ZNF423: variants seen among roughly 807,000 people sequenced by gnomAD.
ZNF423 encodes zinc finger protein 423.
A neutral mutation model predicts 95.8 loss-of-function variants in ZNF423; 12 were observed. The ratio of observed to expected loss-of-function variants is 0.13; its 90% CI spans 0.08 to 0.20. The LOEUF (loss-of-function observed/expected upper bound fraction) is 0.20, where lower values mean the gene tolerates loss of function less well. ZNF423 is among the 10% of genes least tolerant of loss of function. The probability of loss-of-function intolerance (pLI) is 1.00; values close to 1 mark genes in which losing one functional copy is unlikely to be tolerated. For missense variants in ZNF423, 1,316 were observed against 1,737.1 expected (o/e 0.76, Z 4.31); for synonymous variants, 749 against 711.9 (o/e 1.05, Z -0.83).
At chr16:49,581,761 A>C (rs1970682406) in intron 5 of ZNF423, among the ~76,000 whole-genome samples, 1 of 152,132 alleles carries the variant, frequency 6.6e-6, no homozygotes, top group Admixed American at 6.6e-5. Context: ...GGTGATGAAA[A>C]GTAACATTTC....
chr16:49,699,188 C>G (rs562356944), intron 3 of ZNF423, among the ~76,000 whole-genome samples: 1 of 152,176 alleles, frequency 6.6e-6, no homozygotes, highest in Non-Finnish European at 1.5e-5. Flanking sequence ...CTGGGCGAGG[C>G]GGCACTGACG....
In ZNF423 at chr16:49,793,314, C is replaced by T. The variant is rs573317726; in HGVS notation, c.41-3768G>A. On this transcript the variant is annotated intron_variant, in intron 1 of 7. Transcript: ENST00000563137. ...ACTGGCAGCAGGCACTCTCTGGGGG[C>T]CCAAGCAGCGAGCCCCCAACATCCC... Among the ~76,000 whole-genome samples the T allele has an allele frequency of 3.9e-5, 6 of 152,284 alleles. No homozygotes were observed. The South Asian group carries it at 1.2e-3, about 32-fold the overall frequency.
intron 1 of ZNF423, among the ~76,000 whole-genome samples, chr16:49,819,864 AT>A (rs1265558734): frequency 3.9e-5 from 6 of 152,228 alleles, no homozygotes; most frequent in African/African-American, 1.4e-4. Context: ...TACTCAATAA[AT>A]TACATGAGAT....
intron 5 of ZNF423, among the ~76,000 whole-genome samples, chr16:49,609,790 A>G (rs536931359): frequency 6.6e-6 from 1 of 152,336 alleles, no homozygotes; most frequent in Non-Finnish European, 1.5e-5. Flanking sequence ...GATGGCTGAA[A>G]AATTCCCAAA....
intron 3 of ZNF423, among the ~76,000 whole-genome samples, chr16:49,655,823 C>T (rs1360814207): frequency 2.6e-5 from 4 of 152,300 alleles, no homozygotes; most frequent in South Asian, 4.1e-4. Context: ...ACGGTCACTT[C>T]GCCCCTGAAC....
chr16:49,570,554 G>GA (rs1292796276), intron 5 of ZNF423, among the ~76,000 whole-genome samples: 2 of 152,150 alleles, frequency 1.3e-5, no homozygotes, highest in Admixed American at 1.3e-4. Flanking sequence ...AATGAAGAAT[G>GA]AAACAGTTTG....
intron 2 of ZNF423, among the ~76,000 whole-genome samples, chr16:49,762,733 C>T (rs2033855219): frequency 6.6e-6 from 1 of 152,170 alleles, no homozygotes; most frequent in African/African-American, 2.4e-5. Flanking sequence ...CGGGAACGGC[C>T]TAGGTGGGCC....
intron 3 of ZNF423, among the ~76,000 whole-genome samples, chr16:49,700,719 T>C (rs2151954690): frequency 6.6e-6 from 1 of 152,332 alleles, no homozygotes; most frequent in East Asian, 1.9e-4. Flanking sequence ...AGAGGATCTC[T>C]GTGAGCATCT....
chr16:49,736,876 G>A (rs118129175), intron 2 of ZNF423, among the ~76,000 whole-genome samples: 56 of 152,318 alleles, frequency 3.7e-4, no homozygotes, highest in Non-Finnish European at 6.9e-4. Flanking sequence ...TGATGACGTT[G>A]AGAGCAGACA....
rs71380366 is a variant in ZNF423 at position 49,646,574 on chromosome 16, C to CTTTTTTTTTTTTTTTTT, written c.302-7701_302-7700insAAAAAAAAAAAAAAAAA. ...TTATGGCACATTTTCTTTTCTTTTT[C>CTTTTTTTTTTTTTTTTT]TTTTTTTTTTTTTTGAGAAGGAGTC... On this transcript the variant is annotated intron_variant, in intron 3 of 7. Transcript: ENST00000563137. Among the ~76,000 whole-genome samples the CTTTTTTTTTTTTTTTTT allele has an allele frequency of 3.7e-4, 44 of 117,966 alleles. 2 individuals are homozygous for CTTTTTTTTTTTTTTTTT. The highest frequency in any genetic ancestry group is 8.3e-4 in the South Asian group (3 of 3,608). 77.4% of individuals were successfully genotyped at this position (117,966 alleles called of 152,430 possible).
At chr16:49,517,480 C>T (rs185001499) in intron 7 of ZNF423, among the ~76,000 whole-genome samples, 79 of 152,276 alleles carry the variant, frequency 5.2e-4, no homozygotes, top group Admixed American at 3.9e-3. Flanking sequence ...GGAAGCACCT[C>T]GAGGTCAGAC....
intron 3 of ZNF423, among the ~76,000 whole-genome samples, chr16:49,667,237 G>C (rs2030589415): frequency 6.6e-6 from 1 of 152,228 alleles, no homozygotes; most frequent in Non-Finnish European, 1.5e-5. Context: ...AAAATGCCTA[G>C]TCCAGAACAA....
At chr16:49,792,314 T>C (rs1447234329) in intron 1 of ZNF423, among the ~76,000 whole-genome samples, 3 of 152,140 alleles carry the variant, frequency 2.0e-5, no homozygotes, top group African/African-American at 7.2e-5. Context: ...AGTCATCCTC[T>C]TAGGAAGATC....
chr16:49,526,668 AT>A (rs1224007705), intron 5 of ZNF423, among the ~76,000 whole-genome samples: 1 of 152,140 alleles, frequency 6.6e-6, no homozygotes, highest in Admixed American at 6.5e-5. Flanking sequence ...TGAGCTTCAC[AT>A]CACCTGGGGT....
chr16:49,850,543 T>C (rs564114539), intron 1 of ZNF423, among the ~76,000 whole-genome samples: 2 of 152,304 alleles, frequency 1.3e-5, no homozygotes, highest in South Asian at 4.1e-4. Flanking sequence ...TTTCAAGACA[T>C]GAAGATAATA....
At chr16:49,518,184 A>G in intron 7 of ZNF423, 1 of 383,950 alleles carries the variant, frequency 2.6e-6, no homozygotes, top group Admixed American at 3.3e-5. Context: ...GAATCTACAT[A>G]ACCTGTGTTG....
chr16:49,808,858 G>A (rs113164644), intron 1 of ZNF423, among the ~76,000 whole-genome samples: 34 of 152,256 alleles, frequency 2.2e-4, no homozygotes, highest in Admixed American at 6.5e-4. Context: ...CATTCCCTAC[G>A]CACACCAGAC....
chr16:49,854,141 C>G (rs1167403636), intron 1 of ZNF423: 1 of 985,290 alleles, frequency 1.0e-6, no homozygotes, highest in African/African-American at 1.7e-5. Context: ...GTCCCCCAAT[C>G]AGAACACCCT....
At chr16:49,577,809 G>A (rs867097091) in intron 5 of ZNF423, among the ~76,000 whole-genome samples, 5 of 152,338 alleles carry the variant, frequency 3.3e-5, no homozygotes, top group African/African-American at 9.6e-5. Flanking sequence ...CCACCATGCA[G>A]GTGCAAGAGG....
Sources: gnomAD v4.1 joint callset for allele counts (sites outside exome capture counted in the v4.1 genomes callset) on GRCh38, gnomAD v4.1.1 for gene constraint, MANE v1.5 for transcripts, NCBI Gene and HGNC (gene_info 2026-07-23, HGNC 2026-07-21) for gene names.